The following CDH18 variants were observed in gnomAD, a reference collection of about 807,000 sequenced individuals.
The protein encoded by CDH18 is cadherin-18.
A neutral mutation model predicts 67.9 loss-of-function variants in CDH18; 31 were observed. That is an observed-to-expected ratio of 0.46 (90% CI 0.34 to 0.62). The LOEUF is 0.62. CDH18 is among the 20% of genes least tolerant of loss of function. The pLI, the probability that CDH18 is intolerant of heterozygous loss-of-function variation, is 0.01. For missense variants in CDH18, 890 were observed against 975.5 expected, an observed-to-expected ratio of 0.91 and a Z score of 1.17; for synonymous variants, 362 against 347.2, an observed-to-expected ratio of 1.04 and a Z score of -0.48.
At chr5:19,533,568 A>G (rs865881637) in intron 9 of CDH18, among the ~76,000 whole-genome samples, 2 of 152,158 alleles carry the variant, frequency 1.3e-5, no homozygotes, top group South Asian at 4.1e-4. Flanking sequence ...CAGATAGAAA[A>G]TAAAGCATGT....
intron 1 of CDH18, among the ~76,000 whole-genome samples, chr5:20,501,546 T>TAA (rs1754276594): frequency 8.6e-5 from 2 of 23,132 alleles, no homozygotes; most frequent in Non-Finnish European, 2.4e-4. Flanking sequence ...TATATACATA[T>TAA]TATATATATA....
chr5:19,958,674 G>C (rs1796505360), intron 2 of CDH18, among the ~76,000 whole-genome samples: 5 of 152,006 alleles, frequency 3.3e-5, no homozygotes, highest in Admixed American at 3.3e-4. Flanking sequence ...TGTCAGCCTG[G>C]GAAGCCCCAG....
intron 1 of CDH18, among the ~76,000 whole-genome samples, chr5:20,374,858 C>A (rs1437731855): frequency 2.6e-5 from 4 of 151,988 alleles, no homozygotes; most frequent in Non-Finnish European, 5.9e-5. Flanking sequence ...TTTATTTAAA[C>A]ACAAATTATT....
At chr5:20,179,320 T>G (rs1323104875) in intron 2 of CDH18, among the ~76,000 whole-genome samples, 1 of 152,142 alleles carries the variant, frequency 6.6e-6, no homozygotes, top group Non-Finnish European at 1.5e-5. Context: ...AAGAACTTCT[T>G]CAAACTTACC....
intron 1 of CDH18, among the ~76,000 whole-genome samples, chr5:20,547,659 T>C (rs557708767): frequency 4.6e-5 from 7 of 152,190 alleles, no homozygotes; most frequent in Non-Finnish European, 1.0e-4. Flanking sequence ...TATTAGGACA[T>C]CCTAGTCAAC....
At chr5:20,435,804 C>T (rs533850117) in intron 1 of CDH18, among the ~76,000 whole-genome samples, 7 of 152,108 alleles carry the variant, frequency 4.6e-5, no homozygotes, top group African/African-American at 1.4e-4. Flanking sequence ...TGTGAGAACA[C>T]ATTTTAAAAG....
chr5:19,841,646 T>C (rs1782335592), intron 2 of CDH18, among the ~76,000 whole-genome samples: 1 of 151,954 alleles, frequency 6.6e-6, no homozygotes, highest in Non-Finnish European at 1.5e-5. Flanking sequence ...AAGGTGTTGT[T>C]ATTTTAATAC....
chr5:19,815,454 CT>C (rs780767863), intron 3 of CDH18, among the ~76,000 whole-genome samples: 102 of 151,866 alleles, frequency 6.7e-4, no homozygotes, highest in Non-Finnish European at 1.3e-3. Context: ...TAAAAGCTAT[CT>C]TTTTTCTAAA....
At chr5:20,264,880 T>TGA (rs1281647779) in intron 1 of CDH18, among the ~76,000 whole-genome samples, 1 of 152,086 alleles carries the variant, frequency 6.6e-6, no homozygotes, top group African/African-American at 2.4e-5. Flanking sequence ...CAGTCTAAAT[T>TGA]CTCCATTTTA....
intron 5 of CDH18, among the ~76,000 whole-genome samples, chr5:19,696,305 G>A (rs1762536013): frequency 6.6e-6 from 1 of 151,416 alleles, no homozygotes; most frequent in South Asian, 2.1e-4. Context: ...CCAGGCTGGA[G>A]TGCAGTGGCT....
intron 2 of CDH18, among the ~76,000 whole-genome samples, chr5:19,975,808 A>C (rs1329124714): frequency 1.3e-5 from 2 of 152,182 alleles, no homozygotes; most frequent in Non-Finnish European, 2.9e-5. Context: ...AAAGTGTCCT[A>C]GTTTACTTCT....
rs182699436 is a variant in CDH18, at chr5:20,126,578, T to A, written c.-518+128866A>T. 1.6e-4 allele frequency among the ~76,000 whole-genome samples: 24 copies of A among 152,324 alleles called. No individual in the cohort carries two copies. The East Asian group carries it at 4.1e-3, about 26-fold the overall frequency. On this transcript the variant is annotated intron_variant, in intron 2 of 14. Coordinates refer to the CDH18 transcript ENST00000507958. ...AATTACATATCTGATAAAAGGTTAA[T>A]ATCCAAAGTACATTTAAAAAGTCTT...
intron 5 of CDH18, among the ~76,000 whole-genome samples, chr5:19,674,046 T>C (rs1759127955): frequency 6.6e-6 from 1 of 152,112 alleles, no homozygotes; most frequent in Non-Finnish European, 1.5e-5. Context: ...AACAAGATAA[T>C]TTTTCTAGAT....
intron 5 of CDH18, among the ~76,000 whole-genome samples, chr5:19,655,612 C>T (rs924094348): frequency 2.1e-4 from 32 of 151,978 alleles, no homozygotes; most frequent in African/African-American, 7.0e-4. Context: ...ACTAACTCTG[C>T]GTATCATCTA....
chr5:20,357,957 T>C (rs185067829), intron 1 of CDH18, among the ~76,000 whole-genome samples: 14 of 151,300 alleles, frequency 9.3e-5, no homozygotes. Context: ...TACCATGGAG[T>C]ACTATGCAGC....
chr5:19,898,988 A>G (rs895801333), intron 2 of CDH18, among the ~76,000 whole-genome samples: 4 of 152,218 alleles, frequency 2.6e-5, no homozygotes, highest in African/African-American at 4.8e-5. Context: ...TTAAAAAGTG[A>G]GCAAAATACT....
chr5:19,509,237 C>T (rs781692597), intron 10 of CDH18, among the ~76,000 whole-genome samples: 14 of 151,870 alleles, frequency 9.2e-5, no homozygotes, highest in Admixed American at 2.0e-4. Flanking sequence ...GGAAGCTAAA[C>T]AATGGGGACA....
intron 1 of CDH18, among the ~76,000 whole-genome samples, chr5:20,337,144 G>A (rs1002447487): frequency 1.3e-5 from 2 of 152,074 alleles, no homozygotes; most frequent in Non-Finnish European, 2.9e-5. Flanking sequence ...TCAATTCTAC[G>A]CTATTCACTC....
At chr5:19,834,267 T>C (rs2150005793) in intron 3 of CDH18, among the ~76,000 whole-genome samples, 1 of 152,074 alleles carries the variant, frequency 6.6e-6, no homozygotes, top group South Asian at 2.1e-4. Context: ...GGTGTATACA[T>C]CCAGGAATTT....
Sources: gnomAD v4.1 joint callset for allele counts (sites outside exome capture counted in the v4.1 genomes callset) on GRCh38, gnomAD v4.1.1 for gene constraint, MANE v1.5 for transcripts, NCBI Gene and HGNC (gene_info 2026-07-23, HGNC 2026-07-21) for gene names.